TEX11: variants seen among roughly 807,000 people sequenced by gnomAD.
The protein encoded by TEX11 is testis expressed 11, also known as testis-expressed protein 11.
Under a neutral mutation model 84.4 loss-of-function variants are expected in TEX11, and 7 were observed. The ratio of observed to expected loss-of-function variants is 0.08; its 90% CI spans 0.05 to 0.16. The LOEUF (loss-of-function observed/expected upper bound fraction) is 0.16, where lower values mean the gene tolerates loss of function less well. Among genes scored for constraint, TEX11 ranks in the 10% least tolerant of loss-of-function variants. The pLI is 1.00. For synonymous variants in TEX11, 264 were observed against 222.8 expected (o/e 1.18, Z -1.64); for missense variants, 551 against 660.5 (o/e 0.83, Z 1.82).
intron 18 of TEX11, among the ~76,000 whole-genome samples, chrX:70,627,977 C>T (rs1028174221): frequency 4.5e-5 from 5 of 111,242 alleles, no homozygotes; most frequent in African/African-American, 1.3e-4. Flanking sequence ...GCCTGTAATC[C>T]CAGCACTTTG....
chrX:70,610,050 C>T (rs2089240482), intron 21 of TEX11, among the ~76,000 whole-genome samples: 1 of 106,667 alleles, frequency 9.4e-6, no homozygotes, highest in Non-Finnish European at 1.9e-5. Context: ...TTTTATTTGT[C>T]TTGATCTTTT....
chrX:70,577,028 C>T (rs1211088219), intron 25 of TEX11, among the ~76,000 whole-genome samples: 1 of 111,543 alleles, frequency 9.0e-6, no homozygotes, highest in Non-Finnish European at 1.9e-5. Context: ...TGCCTATATC[C>T]ACTGGCTGAG....
At chrX:70,734,053 G>A (rs1343511032) in intron 11 of TEX11, among the ~76,000 whole-genome samples, 1 of 110,361 alleles carries the variant, frequency 9.1e-6, no homozygotes, top group East Asian at 2.9e-4. Context: ...CTATCGCAAG[G>A]ACAAAAAACC....
At chrX:70,619,669 G>C (rs766719478) in intron 20 of TEX11, among the ~76,000 whole-genome samples, 9 of 111,851 alleles carry the variant, frequency 8.0e-5, no homozygotes, top group Non-Finnish European at 1.7e-4. Context: ...ATATTGTGGA[G>C]ACCACTCCTG....
intron 25 of TEX11, among the ~76,000 whole-genome samples, chrX:70,568,223 G>T (rs189491461): frequency 4.0e-4 from 44 of 111,154 alleles, no homozygotes; most frequent in African/African-American, 1.3e-3. Context: ...GAATAGGATC[G>T]CAACCCCTGC....
intron 9 of TEX11, among the ~76,000 whole-genome samples, chrX:70,787,141 A>T (rs890915311): frequency 8.9e-6 from 1 of 111,961 alleles, no homozygotes; most frequent in African/African-American, 3.3e-5. Flanking sequence ...TCCCAAATAA[A>T]TAAATAAAGC....
In TEX11 at chrX:70,852,166, A is replaced by G. The variant is rs188208685; in HGVS notation, c.525+868T>C. ...CAGTAAATATGTCAAAAAATAAAAA[A>G]GGGGACTTTTCTTTTTCATTGTTGT... On this transcript the variant is annotated intron_variant, in intron 7 of 29. Transcript: ENST00000374333. Among the ~76,000 whole-genome samples the G allele has an allele frequency of 7.2e-3, 805 of 112,140 alleles. 7 individuals carry two copies. Among genetic ancestry groups the G allele is most frequent in the African/African-American group, 0.024 (755 of 30,916 alleles).
At chrX:70,787,938 A>T (rs1268921401) in intron 9 of TEX11, among the ~76,000 whole-genome samples, 1 of 111,453 alleles carries the variant, frequency 9.0e-6, no homozygotes, top group South Asian at 3.8e-4. Context: ...GCTACAAAAA[A>T]ATCCAATACC....
At chrX:70,635,773 C>G (rs967292972) in intron 17 of TEX11, among the ~76,000 whole-genome samples, 2 of 110,757 alleles carry the variant, frequency 1.8e-5, no homozygotes, top group Non-Finnish European at 3.8e-5. Flanking sequence ...GCCAGGCCAG[C>G]CCCTGCAGCC....
chrX:70,700,427 CATTATT>C (rs1248346064), intron 13 of TEX11, among the ~76,000 whole-genome samples: 1 of 111,542 alleles, frequency 9.0e-6, no homozygotes, highest in Admixed American at 9.6e-5. Flanking sequence ...CAATTTTTTT[CATTATT>C]ATTATAACTG....
At chrX:70,703,549 T>C (rs1370368657) in intron 13 of TEX11, among the ~76,000 whole-genome samples, 1 of 111,301 alleles carries the variant, frequency 9.0e-6, no homozygotes, top group Non-Finnish European at 1.9e-5. Flanking sequence ...TCCCTCCATA[T>C]AGGATACTTT....
At chrX:70,876,007 T>C (rs986122143) in intron 3 of TEX11, among the ~76,000 whole-genome samples, 1 of 111,861 alleles carries the variant, frequency 8.9e-6, no homozygotes, top group Non-Finnish European at 1.9e-5. Context: ...CATTTTAAAA[T>C]GCACCCAAAA....
chrX:70,546,299 G>A, intron 28 of TEX11, among the ~76,000 whole-genome samples: 1 of 111,834 alleles, frequency 8.9e-6, no homozygotes, highest in East Asian at 2.8e-4. Flanking sequence ...AACTTCTACA[G>A]AAACACGTAG....
chrX:70,729,896 G>A (rs1434604141), intron 11 of TEX11, among the ~76,000 whole-genome samples: 7 of 111,858 alleles, frequency 6.3e-5, no homozygotes, highest in African/African-American at 1.9e-4. Context: ...AAAATGTTAC[G>A]GGCAGCCAGA....
At chrX:70,840,760 G>A (rs2091437989) in intron 7 of TEX11, among the ~76,000 whole-genome samples, 1 of 111,551 alleles carries the variant, frequency 9.0e-6, no homozygotes, top group African/African-American at 3.3e-5. Context: ...ACACACATAG[G>A]CTCAAAATAA....
At chrX:70,821,851 ATAG>A (rs780720640) in intron 8 of TEX11, among the ~76,000 whole-genome samples, 1 of 111,735 alleles carries the variant, frequency 8.9e-6, no homozygotes, top group East Asian at 2.8e-4. Context: ...ATTATGCAAA[ATAG>A]TAGGAAGGTT....
chrX:70,529,909 C>T lies in TEX11; in HGVS notation c.2611G>A (p.Ala871Thr). 8.3e-7 allele frequency: 1 copy of T among 1,211,446 alleles called. No homozygotes were observed. Among genetic ancestry groups the T allele is most frequent in the Non-Finnish European group, 1.1e-6 (1 of 895,321 alleles). Reference sequence around the variant, plus strand: ...AAGGCCAGGCCACACCACTTTTCAGCAGATGCATACTTGCTCCTGCTAAAC... The same window carrying T: ...AAGGCCAGGCCACACCACTTTTCAGTAGATGCATACTTGCTCCTGCTAAAC... ...LMFSRSKYAS[A>T]EKWCGLALRF... Residue 871 changes from alanine (A) to threonine (T), a missense_variant, in exon 29 of 30, where the codon GCT becomes ACT. Transcript: ENST00000374333.
At position 70,544,722 on chromosome X, in the gene TEX11, C is replaced by T. The variant is rs189780297; in HGVS notation, c.2520+7404G>A. On this transcript the variant is annotated intron_variant, in intron 28 of 29. Coordinates refer to ENST00000374333, the MANE Select transcript of TEX11 (RefSeq NM_031276.3). ...GATGTGGTGGCACACGCCTGTAATC[C>T]CAGCTACTTGGGAGGCTGAGGCAGG... Among the ~76,000 whole-genome samples, 590 of 107,560 alleles carry T rather than the reference C, an allele frequency of 5.5e-3. 3 individuals carry two copies. The highest frequency in any genetic ancestry group is 0.019 in the African/African-American group (567 of 29,461). 93.4% of individuals were successfully genotyped at this position (107,560 alleles called of 115,157 possible). A position where few individuals can be genotyped will look rare whatever the true frequency, so the allele number is the denominator to read the frequency against.
At chrX:70,882,507 G>A (rs2091688819) in intron 2 of TEX11, among the ~76,000 whole-genome samples, 1 of 111,256 alleles carries the variant, frequency 9.0e-6, no homozygotes, top group Non-Finnish European at 1.9e-5. Context: ...CTGGCCAGCC[G>A]TGGTGGCTCA....
Sources: allele counts gnomAD v4.1 joint callset (sites outside exome capture counted in the v4.1 genomes callset), GRCh38; gene constraint gnomAD v4.1.1; transcripts MANE v1.5; gene names NCBI Gene and HGNC (gene_info 2026-07-23, HGNC 2026-07-21).